The following POM121 variants were observed in gnomAD, a reference collection of about 807,000 sequenced individuals.
POM121 encodes nuclear envelope pore membrane protein POM 121.
In POM121, 32 loss-of-function variants were observed where a neutral mutation model predicts 81.3. The ratio of observed to expected loss-of-function variants is 0.39; its 90% confidence interval spans 0.30 to 0.53. The LOEUF (loss-of-function observed/expected upper bound fraction) is 0.53, where lower values mean the gene tolerates loss of function less well. Ranked by LOEUF, POM121 falls within the 20% of genes least tolerant of loss-of-function variation. POM121 has a pLI of 0.66. For missense variants in POM121, 1,138 were observed against 1,614.6 expected (o/e 0.70, Z 5.06); for synonymous variants, 514 against 694.2 (o/e 0.74, Z 4.08).
intron 1 of POM121, among the ~76,000 whole-genome samples, chr7:72,887,610 C>T (rs1334695272): frequency 6.6e-6 from 1 of 152,072 alleles, no homozygotes; most frequent in Admixed American, 6.6e-5. Flanking sequence ...GGGCAGATCA[C>T]GAGGTCAGGA....
intron 5 of POM121, 126 bp downstream of exon 5, chr7:72,930,237 T>C (rs1423015804): frequency 5.3e-6 from 7 of 1,312,220 alleles, no homozygotes; most frequent in African/African-American, 1.5e-5. Flanking sequence ...GGAGGATTGC[T>C]TGAGCCCAGG....
intron 5 of POM121, among the ~76,000 whole-genome samples, chr7:72,931,244 C>T (rs1395830225): frequency 6.6e-6 from 1 of 152,072 alleles, no homozygotes; most frequent in African/African-American, 2.4e-5. Context: ...GCTCCTGTAT[C>T]CTTTATTTTG....
intron 3 of POM121, among the ~76,000 whole-genome samples, chr7:72,900,643 A>T (rs1279699508): frequency 6.6e-6 from 1 of 151,990 alleles, no homozygotes; most frequent in Non-Finnish European, 1.5e-5. Flanking sequence ...AGCTAGGATT[A>T]CAGGCACATG....
Position 72,939,458 on chromosome 7 carries a change from T to C in POM121, c.1441+49T>C, listed in dbSNP as rs145312985. The C allele has an allele frequency of 3.0e-3, 4,764 of 1,609,466 alleles. 117 individuals are homozygous for C. The African/African-American group carries it at 0.055, about 18-fold the overall frequency. ...GGGCTGCTGTTGGTGGTGGAGGTGT[T>C]TGTGGAGGATGTAGAGATTAATACC... On this transcript the variant is annotated intron_variant, in intron 7 of 12. Transcript: ENST00000434423.
At chr7:72,918,941 G>T (rs1436344526) in intron 4 of POM121, among the ~76,000 whole-genome samples, 2 of 152,144 alleles carry the variant, frequency 1.3e-5, no homozygotes, top group Non-Finnish European at 2.9e-5. Context: ...GGGATGACAG[G>T]CACCCGCCAC....
upstream of POM121, chr7:72,925,025 G>A (rs1795213260): frequency 4.5e-6 from 6 of 1,331,888 alleles, no homozygotes; most frequent in South Asian, 2.0e-5. Flanking sequence ...GCGTCTCCCG[G>A]AGTCGCGCGC....
intron 4 of POM121, among the ~76,000 whole-genome samples, chr7:72,919,050 C>T (rs1171603062): frequency 2.0e-5 from 3 of 151,980 alleles, no homozygotes; most frequent in African/African-American, 7.3e-5. Context: ...CTGCCTGCCT[C>T]GGCCTCCCAA....
chr7:72,917,394 G>A (rs782193783), intron 4 of POM121, among the ~76,000 whole-genome samples: 3 of 152,138 alleles, frequency 2.0e-5, no homozygotes, highest in African/African-American at 4.8e-5. Context: ...CTTTCTGAGC[G>A]AGCATCCTGC....
intron 2 of POM121, 142 bp from the exon 3 acceptor site, chr7:72,926,660 T>G (rs1795478408): frequency 6.8e-7 from 1 of 1,475,160 alleles, no homozygotes; most frequent in African/African-American, 1.4e-5. Context: ...AAAGTAGCTT[T>G]ACTTGCTAAC....
intron 3 of POM121, 28 bp downstream of exon 3, chr7:72,926,991 G>A (rs377167035): frequency 1.3e-5 from 21 of 1,613,796 alleles, no homozygotes; most frequent in Admixed American, 1.7e-5. Context: ...GTACTAAGCC[G>A]GTTTCGCGCT....
At chr7:72,927,034 C>T (rs1795522101) in intron 3 of POM121, 71 bp downstream of exon 3, 10 of 1,609,246 alleles carry the variant, frequency 6.2e-6, no homozygotes, top group Non-Finnish European at 7.6e-6. Context: ...TAGACATTCC[C>T]ATATAGATAC....
chr7:72,922,334 T>G (rs1794888647), upstream of POM121, among the ~76,000 whole-genome samples: 1 of 152,192 alleles, frequency 6.6e-6, no homozygotes, highest in South Asian at 2.1e-4. Context: ...GAGTTGTTTT[T>G]CCCAGTCTTG....
intron 3 of POM121, among the ~76,000 whole-genome samples, chr7:72,893,067 T>C (rs1791467037): frequency 6.6e-6 from 1 of 151,962 alleles, no homozygotes; most frequent in African/African-American, 2.4e-5. Flanking sequence ...CAAGTGATTC[T>C]TGTGCTCAGC....
chr7:72,891,204 A>G (rs1275135380), intron 3 of POM121: 2 of 560,320 alleles, frequency 3.6e-6, no homozygotes, highest in Non-Finnish European at 6.6e-6. Flanking sequence ...TACCCTCAGT[A>G]ACACCTCCCA....
chr7:72,928,256 C>G, intron 3 of POM121, 129 bp from the exon 4 acceptor site: 1 of 1,313,066 alleles, frequency 7.6e-7, no homozygotes, highest in Non-Finnish European at 1.1e-6. Context: ...TTTTAAACAA[C>G]CATTTTCTGG....
At chr7:72,905,561 ATGG>A (rs1793153962) in intron 3 of POM121, among the ~76,000 whole-genome samples, 1 of 152,164 alleles carries the variant, frequency 6.6e-6, no homozygotes, top group Non-Finnish European at 1.5e-5. Context: ...TTCACCAGGC[ATGG>A]TGGTGCATGC....
At chr7:72,887,936 G>A (rs1790898504) in intron 1 of POM121, among the ~76,000 whole-genome samples, 1 of 152,226 alleles carries the variant, frequency 6.6e-6, no homozygotes, top group Non-Finnish European at 1.5e-5. Flanking sequence ...GGTGTGTGCT[G>A]TTTCAGGTTG....
At chr7:72,949,735 C>T (rs1401914567), downstream of POM121, 1 of 781,456 alleles carries the variant, frequency 1.3e-6, no homozygotes, top group Non-Finnish European at 2.3e-6. Context: ...CCGTGAACTA[C>T]TTTGGTGCAG....
chr7:72,896,001 T>C (rs1554491684), intron 3 of POM121, among the ~76,000 whole-genome samples: 1 of 151,886 alleles, frequency 6.6e-6, no homozygotes, highest in Non-Finnish European at 1.5e-5. Context: ...CTCATTAGAA[T>C]GCCATCCAAG....
Sources: gnomAD v4.1 joint callset for allele counts (sites outside exome capture counted in the v4.1 genomes callset) on GRCh38, gnomAD v4.1.1 for gene constraint, MANE v1.5 for transcripts, NCBI Gene and HGNC (gene_info 2026-07-23, HGNC 2026-07-21) for gene names.